The following CNKSR3 variants were observed in gnomAD, a reference collection of about 807,000 sequenced individuals.
CNKSR3 encodes connector enhancer of kinase suppressor of ras 3.
In CNKSR3, 36 loss-of-function variants were observed where a neutral mutation model predicts 67.7. The observed-to-expected ratio is 0.53, with a 90% CI of 0.41 to 0.70. The LOEUF is 0.70. CNKSR3 is among the 30% of genes least tolerant of loss of function. The pLI is 0.00. For missense variants in CNKSR3, 630 were observed against 695.2 expected (o/e 0.91, Z 1.05); for synonymous variants, 281 against 271.4 (o/e 1.04, Z -0.35).
At chr6:154,446,178 C>T (rs140452694) in intron 2 of CNKSR3, among the ~76,000 whole-genome samples, 53 of 152,118 alleles carry the variant, frequency 3.5e-4, no homozygotes, top group Admixed American at 1.6e-3. Flanking sequence ...GTTCACCATC[C>T]GGGATCCTTT....
At chr6:154,420,418 G>A (rs1426624015) in intron 9 of CNKSR3, among the ~76,000 whole-genome samples, 2 of 152,024 alleles carry the variant, frequency 1.3e-5, no homozygotes, top group African/African-American at 4.8e-5. Context: ...GGCCGGGCGC[G>A]GTGGCTCACG....
rs146257093 is a variant in CNKSR3 at position 154,491,505 on chromosome 6, G to C, written c.52+18558C>G. 4.6e-5 allele frequency among the ~76,000 whole-genome samples: 7 copies of C among 152,306 alleles called. No homozygotes were observed. The East Asian group carries it at 1.3e-3, about 29-fold the overall frequency. ...ATTTCATGGCATTCTGAATGTTTCA[G>C]ATAAATCTTAAAAGATATAAAGGTA... is the stretch of plus-strand genomic sequence containing the variant. On this transcript the variant is annotated intron_variant, in intron 1 of 12. Transcript: ENST00000607772.
intron 1 of CNKSR3, among the ~76,000 whole-genome samples, chr6:154,498,088 T>C (rs1378005573): frequency 1.3e-5 from 2 of 152,256 alleles, no homozygotes; most frequent in Non-Finnish European, 2.9e-5. Flanking sequence ...AGTGGTTTGC[T>C]GAATACATCA....
Position 154,502,811 on chromosome 6 carries a change from C to T in CNKSR3, c.52+7252G>A, listed in dbSNP as rs538513463. Among the ~76,000 whole-genome samples the T allele has an allele frequency of 9.9e-5, 15 of 152,246 alleles. No individual in the cohort carries two copies. The South Asian group carries it at 2.1e-3, about 21-fold the overall frequency. ...CATAATGGGTAAGCCAGTGATGACA[C>T]GCCAGAAATAGCATAAATGAGAGGA... is the stretch of plus-strand genomic sequence containing the variant. On this transcript the variant is annotated intron_variant, in intron 1 of 12. Transcript: ENST00000607772.
chr6:154,486,375 A>G (rs1265038344), intron 1 of CNKSR3, among the ~76,000 whole-genome samples: 3 of 149,780 alleles, frequency 2.0e-5, no homozygotes, highest in Admixed American at 2.0e-4. Flanking sequence ...GGCTCATGGC[A>G]GCCTCCGCCT....
chr6:154,400,932 A>G lies in CNKSR3; in HGVS notation c.*5422T>C, dbSNP rs1784709375. ...TCTAATTCCATATGCTATAGGCTAC[A>G]AAATATATATTTAAATTCCCTTAGG... is the stretch of plus-strand genomic sequence containing the variant. On this transcript the variant is annotated 3_prime_UTR_variant, in exon 13 of 13. Transcript: ENST00000607772. The G allele has an allele frequency of 6.6e-6, 1 of 152,208 alleles. No individual in the cohort carries two copies. Among genetic ancestry groups the G allele is most frequent in the African/African-American group, 2.4e-5 (1 of 41,462 alleles). 9.4% of individuals were successfully genotyped at this position (152,208 alleles called of 1,614,324 possible). A position where few individuals can be genotyped will look rare whatever the true frequency, so the allele number is the denominator to read the frequency against.
At chr6:154,505,492 TATTA>T (rs1192081409) in intron 1 of CNKSR3, among the ~76,000 whole-genome samples, 115 of 126,278 alleles carry the variant, frequency 9.1e-4, no homozygotes, top group African/African-American at 3.7e-3. Context: ...TTATTATTAT[TATTA>T]TTTTTTTTTT....
rs756444855 is a variant in CNKSR3, at chr6:154,430,539, G to C, written c.602C>G (p.Pro201Arg). Residue 201 changes from proline (P) to arginine (R), a missense_variant, in exon 6 of 13, where the codon CCT becomes CGT. Pro to Arg is a moderately radical substitution (Grantham distance 103). Around this residue, in one of 3 missense-constraint regions of CNKSR3, gnomAD observed 133 missense variants for 190.6 expected, o/e 0.70. Coordinates refer to ENST00000607772, the MANE Select transcript of CNKSR3 (RefSeq NM_173515.4). ...CDKTIRSTTD[P>R]VMSQCACLEE... ...CAGACATGCACACTGGCTCATCACA[G>C]GATCTGTGGTAGATCGGATTGTTTT... 6.2e-7 allele frequency: 1 copy of C among 1,612,798 alleles called. No individual in the cohort carries two copies. The highest frequency in any genetic ancestry group is 1.1e-5 in the South Asian group (1 of 90,874).
At chr6:154,414,449 CAA>C (rs1562320732) in intron 9 of CNKSR3, 26 bp from the exon 10 acceptor site, 2 of 1,566,498 alleles carry the variant, frequency 1.3e-6, no homozygotes, top group Non-Finnish European at 8.6e-7. Context: ...CACAGCAATG[CAA>C]AGAGTGGAGA....
Position 154,397,395 on chromosome 6 carries a change from C to G in CNKSR3, c.*8959G>C, listed in dbSNP as rs989919211. 6.6e-6 allele frequency: 1 copy of G among 152,230 alleles called. No homozygotes were observed. The highest frequency in any genetic ancestry group is 1.5e-5 in the Non-Finnish European group (1 of 68,036). 9.4% of individuals were successfully genotyped at this position (152,230 alleles called of 1,614,324 possible). ...GATCTTGGTTTAATTCTTTTCTTCT[C>G]TAAAAGTAGGTTTCTGTTTTTTGGA... is the stretch of plus-strand genomic sequence containing the variant. On this transcript the variant is annotated 3_prime_UTR_variant, in exon 13 of 13. Coordinates refer to ENST00000607772, the MANE Select transcript of CNKSR3 (RefSeq NM_173515.4).
chr6:154,416,627 G>A (rs372063920), intron 9 of CNKSR3, among the ~76,000 whole-genome samples: 9 of 152,130 alleles, frequency 5.9e-5, no homozygotes, highest in African/African-American at 2.2e-4. Flanking sequence ...CCTTTTCTAT[G>A]ATAGGACAAC....
chr6:154,487,176 A>G (rs1786691792), intron 1 of CNKSR3, among the ~76,000 whole-genome samples: 1 of 152,242 alleles, frequency 6.6e-6, no homozygotes, highest in Non-Finnish European at 1.5e-5. Flanking sequence ...ACCAATGGGC[A>G]GTTTACTATT....
intron 1 of CNKSR3, among the ~76,000 whole-genome samples, chr6:154,477,009 C>T (rs1020837277): frequency 6.6e-6 from 1 of 152,198 alleles, no homozygotes; most frequent in African/African-American, 2.4e-5. Flanking sequence ...CTCAGAAGAA[C>T]TGCAGAATGT....
intron 12 of CNKSR3, 78 bp from the exon 13 acceptor site, chr6:154,406,730 GA>G: frequency 7.7e-7 from 1 of 1,302,486 alleles, no homozygotes; most frequent in South Asian, 1.4e-5. Flanking sequence ...CGCACTTTGG[GA>G]GGTCGAGGTG....
chr6:154,420,668 G>A (rs553704724), intron 9 of CNKSR3, among the ~76,000 whole-genome samples: 8 of 111,532 alleles, frequency 7.2e-5, no homozygotes, highest in African/African-American at 2.9e-4. Flanking sequence ...CAGCCTGGGC[G>A]ACAGAGCGAG....
chr6:154,412,176 G>C (rs149672137), intron 10 of CNKSR3, among the ~76,000 whole-genome samples: 1 of 152,222 alleles, frequency 6.6e-6, no homozygotes, highest in Non-Finnish European at 1.5e-5. Flanking sequence ...TTCCCAGGTG[G>C]GATGGCATCC....
intron 1 of CNKSR3, among the ~76,000 whole-genome samples, chr6:154,491,753 A>C (rs1192703768): frequency 1.3e-5 from 2 of 152,238 alleles, no homozygotes; most frequent in African/African-American, 4.8e-5. Context: ...TCATTCACTA[A>C]ATGAATGGCA....
intron 5 of CNKSR3, among the ~76,000 whole-genome samples, chr6:154,432,851 C>T (rs1785395717): frequency 6.6e-6 from 1 of 152,162 alleles, no homozygotes; most frequent in Non-Finnish European, 1.5e-5. Context: ...TCAGGAAATT[C>T]CAAAGAGTGA....
At chr6:154,496,010 T>C (rs1002989406) in intron 1 of CNKSR3, among the ~76,000 whole-genome samples, 1 of 152,144 alleles carries the variant, frequency 6.6e-6, no homozygotes, top group African/African-American at 2.4e-5. Context: ...TAAAAGTCAA[T>C]GTCTCCCAAA....
Sources: allele counts gnomAD v4.1 joint callset (sites outside exome capture counted in the v4.1 genomes callset), GRCh38; gene constraint gnomAD v4.1.1; regional missense constraint gnomAD v4.1.1; transcripts MANE v1.5; gene names NCBI Gene and HGNC (gene_info 2026-07-23, HGNC 2026-07-21).